Variants in MAP4K4 observed in about 807,000 individuals in gnomAD.
MAP4K4 encodes HPK/GCK-like kinase HGK.
MAP4K4 carries 38 observed loss-of-function variants against 189.6 expected under a neutral mutation model. The observed-to-expected ratio is 0.20, with a 90% CI of 0.15 to 0.26. MAP4K4 has a LOEUF of 0.26. MAP4K4 is among the 10% of genes least tolerant of loss of function. The pLI, the probability that MAP4K4 is intolerant of heterozygous loss-of-function variation, is 1.00. For missense variants in MAP4K4, 1,054 were observed against 1,726.9 expected (o/e 0.61, Z 6.91); for synonymous variants, 610 against 624.3 (o/e 0.98, Z 0.34).
At chr2:101,789,757 T>G (rs1005942094) in intron 2 of MAP4K4, among the ~76,000 whole-genome samples, 1 of 152,176 alleles carries the variant, frequency 6.6e-6, no homozygotes, top group Non-Finnish European at 1.5e-5. Flanking sequence ...CATATCTGGA[T>G]GCTCTTTGCT....
chr2:101,767,094 C>A (rs980010177), intron 2 of MAP4K4, among the ~76,000 whole-genome samples: 3 of 152,144 alleles, frequency 2.0e-5, no homozygotes, highest in African/African-American at 7.2e-5. Context: ...AGTGAAGTTA[C>A]AAAGTTATAC....
At chr2:101,840,755 T>G (rs549999993) in intron 10 of MAP4K4, among the ~76,000 whole-genome samples, 2 of 152,202 alleles carry the variant, frequency 1.3e-5, no homozygotes, top group Non-Finnish European at 2.9e-5. Context: ...GGTTCAAATT[T>G]CAAGGTCAGA....
chr2:101,774,558 T>A (rs1422964015), intron 2 of MAP4K4, among the ~76,000 whole-genome samples: 1 of 152,258 alleles, frequency 6.6e-6, no homozygotes, highest in Non-Finnish European at 1.5e-5. Flanking sequence ...AAGAAGCTTA[T>A]TAACTTTATG....
chr2:101,808,969 T>G (rs1169695335), intron 3 of MAP4K4, among the ~76,000 whole-genome samples: 1 of 152,188 alleles, frequency 6.6e-6, no homozygotes, highest in Non-Finnish European at 1.5e-5. Context: ...TAAAGCTATT[T>G]CTTATGGCTG....
chr2:101,730,970 C>T (rs556776449), intron 2 of MAP4K4, among the ~76,000 whole-genome samples: 25 of 151,368 alleles, frequency 1.7e-4, no homozygotes, highest in East Asian at 2.0e-4. Flanking sequence ...AGTGTGAACC[C>T]GGGAGGCGGA....
intron 5 of MAP4K4, among the ~76,000 whole-genome samples, chr2:101,828,402 G>A (rs991886254): frequency 6.6e-6 from 1 of 152,160 alleles, no homozygotes; most frequent in Non-Finnish European, 1.5e-5. Context: ...ATAGCAATAA[G>A]GTACCATATA....
At chr2:101,782,684 T>G (rs535957520) in intron 2 of MAP4K4, among the ~76,000 whole-genome samples, 1 of 152,244 alleles carries the variant, frequency 6.6e-6, no homozygotes, top group South Asian at 2.1e-4. Flanking sequence ...CTATTAGGAC[T>G]CCAGTCTGAA....
intron 2 of MAP4K4, among the ~76,000 whole-genome samples, chr2:101,752,961 G>A (rs555035744): frequency 6.6e-6 from 1 of 152,324 alleles, no homozygotes; most frequent in East Asian, 1.9e-4. Flanking sequence ...CAAGGCAAAA[G>A]CAGACTGCAG....
chr2:101,866,003 C>T (rs1472282991), intron 18 of MAP4K4, among the ~76,000 whole-genome samples: 1 of 152,180 alleles, frequency 6.6e-6, no homozygotes, highest in East Asian at 1.9e-4. Context: ...AAGGACTATT[C>T]TTTGTAAGTG....
chr2:101,893,053 C>T (rs1353493011), exon 33 of MAP4K4: 1 of 456,434 alleles, frequency 2.2e-6, no homozygotes, highest in Non-Finnish European at 4.4e-6. Flanking sequence ...TTTCCCTCTG[C>T]TCCCACCCAC....
At chr2:101,811,355 A>G in intron 3 of MAP4K4, among the ~76,000 whole-genome samples, 1 of 117,558 alleles carries the variant, frequency 8.5e-6, no homozygotes, top group African/African-American at 3.4e-5. Flanking sequence ...ATGGCGACAG[A>G]GTGAGACTGC....
At chr2:101,747,644 C>T (rs374983945) in intron 2 of MAP4K4, among the ~76,000 whole-genome samples, 11 of 152,204 alleles carry the variant, frequency 7.2e-5, no homozygotes, top group East Asian at 3.8e-4. Flanking sequence ...GATGTCATGT[C>T]CCAACAGCCT....
rs115087646 is a variant in MAP4K4 at position 101,858,428 on chromosome 2, C to T, written c.1396-568C>T. Among the ~76,000 whole-genome samples the T allele has an allele frequency of 4.8e-3, 737 of 152,296 alleles. 7 individuals carry two copies. The highest frequency in any genetic ancestry group is 0.017 in the African/African-American group (687 of 41,560). On this transcript the variant is annotated intron_variant, in intron 13 of 32. Coordinates refer to ENST00000324219, the Ensembl canonical transcript of MAP4K4. Reference sequence around the variant, plus strand: ...TCTGTCTGTCACACACACACAAGCTCATCATGGAGCCTGGGTCTGTTCATT... The same window carrying T: ...TCTGTCTGTCACACACACACAAGCTTATCATGGAGCCTGGGTCTGTTCATT...
intron 13 of MAP4K4, among the ~76,000 whole-genome samples, chr2:101,858,612 A>C (rs1182952618): frequency 6.7e-6 from 1 of 148,506 alleles, no homozygotes; most frequent in Non-Finnish European, 1.5e-5. Context: ...AATGACTAAT[A>C]AGCAGATGTT....
intron 19 of MAP4K4, 103 bp downstream of exon 19, chr2:101,866,682 C>CAA: frequency 7.2e-7 from 1 of 1,389,710 alleles, no homozygotes; most frequent in South Asian, 1.3e-5. Context: ...CCACACGTCA[C>CAA]AAAACAATGT....
intron 2 of MAP4K4, among the ~76,000 whole-genome samples, chr2:101,709,333 G>A (rs2044128379): frequency 6.6e-6 from 1 of 152,186 alleles, no homozygotes; most frequent in African/African-American, 2.4e-5. Flanking sequence ...CTCCCAAGTA[G>A]CTGAGATTAC....
intron 27 of MAP4K4, among the ~76,000 whole-genome samples, chr2:101,880,446 A>C (rs991439560): frequency 1.3e-5 from 2 of 151,842 alleles, no homozygotes; most frequent in Admixed American, 6.6e-5. Context: ...CATTAAAAAG[A>C]CTAACCTTTC....
At chr2:101,802,429 C>CTA (rs1016860977) in intron 3 of MAP4K4, among the ~76,000 whole-genome samples, 3 of 152,144 alleles carry the variant, frequency 2.0e-5, no homozygotes, top group African/African-American at 7.2e-5. Context: ...TGACAGGGCC[C>CTA]TACTTGATTG....
chr2:101,832,711 G>A (rs1321185860), intron 7 of MAP4K4, among the ~76,000 whole-genome samples: 1 of 152,078 alleles, frequency 6.6e-6, no homozygotes, highest in Non-Finnish European at 1.5e-5. Flanking sequence ...TACAAAGTTG[G>A]TAATTAGACC....
Sources: gnomAD v4.1 joint callset for allele counts (sites outside exome capture counted in the v4.1 genomes callset) on GRCh38, gnomAD v4.1.1 for gene constraint, MANE v1.5 for transcripts, NCBI Gene and HGNC (gene_info 2026-07-23, HGNC 2026-07-21) for gene names.